The following FRMPD4 variants were observed in gnomAD, a reference collection of about 807,000 sequenced individuals.
FRMPD4 encodes the protein FERM and PDZ domain-containing protein 4.
FRMPD4 carries 22 observed loss-of-function variants against 94.1 expected under a neutral mutation model. That is an observed-to-expected ratio of 0.23 (90% CI 0.17 to 0.33). The LOEUF (loss-of-function observed/expected upper bound fraction) is 0.33, where lower values mean the gene tolerates loss of function less well. FRMPD4 is among the 10% of genes least tolerant of loss of function. FRMPD4 has a pLI of 1.00. For missense variants in FRMPD4, 1,111 were observed against 1,339.9 expected, an observed-to-expected ratio of 0.83 and a Z score of 2.67; for synonymous variants, 631 against 548.6, an observed-to-expected ratio of 1.15 and a Z score of -2.10.
chrX:12,008,083 G>A (rs746664039), intron 3 of FRMPD4, among the ~76,000 whole-genome samples: 30 of 112,167 alleles, frequency 2.7e-4, no homozygotes, highest in South Asian at 1.1e-3. Context: ...GAGTCACTGC[G>A]TGCTGGGCCA....
chrX:12,681,777 T>G (rs1233636371), intron 5 of FRMPD4, among the ~76,000 whole-genome samples: 1 of 111,563 alleles, frequency 9.0e-6, no homozygotes, highest in African/African-American at 3.3e-5. Context: ...AACAGCTTTT[T>G]TATTACAGTA....
At position 12,609,724 on chromosome X, in the gene FRMPD4, C is replaced by T; in HGVS notation, c.162C>T (p.His54=). 1.7e-6 allele frequency: 2 copies of T among 1,206,586 alleles called. No homozygotes were observed. Among genetic ancestry groups the T allele is most frequent in the Non-Finnish European group, 2.2e-6 (2 of 890,520 alleles). The change falls in exon 3 of 17, where the codon CAC becomes CAT. Residue 54 remains histidine (H), a synonymous_variant. Coordinates refer to ENST00000675598, the MANE Select transcript of FRMPD4 (RefSeq NM_001368397.1). ...NRDGRDYFIN[H]MTQAIPFDDP... ...CTTGTATGTGCTTTCTCCACAGTCA[C>T]ATGACACAGGCAATCCCTTTTGACG... is the stretch of plus-strand genomic sequence containing the variant.
chrX:11,869,241 A>G lies in FRMPD4; in HGVS notation c.-30+4025A>G, dbSNP rs59518468. Among the ~76,000 whole-genome samples the G allele has an allele frequency of 4.7e-3, 528 of 112,350 alleles. 4 individuals carry two copies. Among genetic ancestry groups the G allele is most frequent in the African/African-American group, 0.016 (508 of 31,018 alleles). ...CATATATCTCTAAGACATACGGCATATTCCAGATTGAGTTCATTTCTGTGG... is the reference window on the plus strand; with the variant it reads ...CATATATCTCTAAGACATACGGCATGTTCCAGATTGAGTTCATTTCTGTGG... On this transcript the variant is annotated intron_variant, in intron 2 of 18. Coordinates refer to the FRMPD4 transcript ENST00000640291.
chrX:12,212,513 G>A (rs1052005544), intron 1 of FRMPD4, among the ~76,000 whole-genome samples: 1 of 111,331 alleles, frequency 9.0e-6, no homozygotes, highest in Admixed American at 9.6e-5. Flanking sequence ...CCAGGGCACT[G>A]CAGGAACTTT....
chrX:12,709,120 G>A (rs371853191), intron 13 of FRMPD4, among the ~76,000 whole-genome samples: 1 of 111,875 alleles, frequency 8.9e-6, no homozygotes, highest in African/African-American at 3.3e-5. Context: ...GGCCGATGGC[G>A]TCCTGCCTAT....
chrX:12,524,039 C>T, intron 2 of FRMPD4, among the ~76,000 whole-genome samples: 1 of 111,506 alleles, frequency 9.0e-6, no homozygotes, highest in Non-Finnish European at 1.9e-5. Flanking sequence ...CCTGTAGTCC[C>T]AGCTACTCAG....
At chrX:12,004,170 T>C (rs1045777305) in intron 3 of FRMPD4, among the ~76,000 whole-genome samples, 2 of 111,993 alleles carry the variant, frequency 1.8e-5, no homozygotes, top group African/African-American at 6.5e-5. Context: ...TGAAAACCCC[T>C]GCTCTAAACC....
chrX:11,992,902 C>T (rs184326423), intron 3 of FRMPD4, among the ~76,000 whole-genome samples: 5 of 109,067 alleles, frequency 4.6e-5, no homozygotes, highest in Admixed American at 9.8e-5. Flanking sequence ...CTTGAGTTCC[C>T]CCTGGAGGCT....
chrX:12,266,005 C>T (rs1223242879), intron 1 of FRMPD4, among the ~76,000 whole-genome samples: 3 of 107,068 alleles, frequency 2.8e-5, no homozygotes, highest in African/African-American at 1.0e-4. Flanking sequence ...CGGTGGCAGG[C>T]GCCTGTAGTC....
At chrX:12,048,114 C>T (rs2054796186) in intron 3 of FRMPD4, among the ~76,000 whole-genome samples, 1 of 112,781 alleles carries the variant, frequency 8.9e-6, no homozygotes, top group African/African-American at 3.2e-5. Context: ...TACATTCCCA[C>T]CGGTGGTGTA....
intron 1 of FRMPD4, among the ~76,000 whole-genome samples, chrX:12,259,897 C>T (rs967261823): frequency 9.0e-6 from 1 of 111,641 alleles, no homozygotes; most frequent in African/African-American, 3.3e-5. Context: ...AAAATAGAGG[C>T]ACTAGATGTA....
intron 4 of FRMPD4, among the ~76,000 whole-genome samples, chrX:12,646,650 C>T (rs1386360625): frequency 8.9e-6 from 1 of 111,839 alleles, no homozygotes; most frequent in Admixed American, 9.5e-5. Flanking sequence ...TAATTTTTAC[C>T]TGCAGTAAGA....
chrX:12,604,817 C>T (rs745732998), intron 2 of FRMPD4, among the ~76,000 whole-genome samples: 1 of 111,528 alleles, frequency 9.0e-6, no homozygotes, highest in Non-Finnish European at 1.9e-5. Context: ...CCTCCTCCCA[C>T]CCTTCACCCT....
At chrX:11,829,622 G>C (rs2053463888) in intron 1 of FRMPD4, among the ~76,000 whole-genome samples, 1 of 111,338 alleles carries the variant, frequency 9.0e-6, no homozygotes, top group Admixed American at 9.6e-5. Flanking sequence ...TTAGTGTCCT[G>C]CTTCATAAGT....
At chrX:12,556,946 A>T (rs1293371491) in intron 2 of FRMPD4, among the ~76,000 whole-genome samples, 3 of 112,015 alleles carry the variant, frequency 2.7e-5, no homozygotes, top group Non-Finnish European at 5.6e-5. Context: ...CTGAGACTAC[A>T]GGCACACACC....
At chrX:12,299,568 C>CAA (rs370259462) in intron 1 of FRMPD4, among the ~76,000 whole-genome samples, 1,294 of 86,714 alleles carry the variant, frequency 0.015, 18 homozygotes, top group African/African-American at 0.049. Context: ...CTAGAAATGA[C>CAA]AAAAAAAAAA....
At chrX:12,433,111 C>T (rs749502664) in intron 1 of FRMPD4, among the ~76,000 whole-genome samples, 2 of 112,187 alleles carry the variant, frequency 1.8e-5, no homozygotes, top group South Asian at 7.4e-4. Context: ...TTGAAAATCA[C>T]GGTTGAGCAT....
At chrX:11,857,708 C>A (rs2053661503) in intron 1 of FRMPD4, among the ~76,000 whole-genome samples, 1 of 112,609 alleles carries the variant, frequency 8.9e-6, no homozygotes, top group Admixed American at 9.4e-5. Flanking sequence ...CAAAAATTGA[C>A]CAATGGGATC....
chrX:12,180,179 T>A (rs1490651455), intron 1 of FRMPD4, among the ~76,000 whole-genome samples: 1 of 112,156 alleles, frequency 8.9e-6, no homozygotes, highest in East Asian at 2.8e-4. Context: ...ATGTACATAA[T>A]TATATTTAAT....
Sources: gnomAD v4.1 joint callset for allele counts (sites outside exome capture counted in the v4.1 genomes callset) on GRCh38, gnomAD v4.1.1 for gene constraint, MANE v1.5 for transcripts, NCBI Gene and HGNC (gene_info 2026-07-23, HGNC 2026-07-21) for gene names.